The following STPG2 variants were observed in gnomAD, a reference collection of about 807,000 sequenced individuals.
STPG2 encodes sperm tail PG-rich repeat containing 2.
In STPG2, 56 loss-of-function variants were observed where a neutral mutation model predicts 54.2. The ratio of observed to expected loss-of-function variants is 1.03; its 90% confidence interval spans 0.83 to 1.29. The LOEUF is 1.29. STPG2 is among the 50% of genes most tolerant of loss of function. STPG2 has a pLI of 0.00. For missense variants in STPG2, 596 were observed against 544.9 expected (o/e 1.09, Z -0.93); for synonymous variants, 200 against 181.8 (o/e 1.10, Z -0.81).
chr4:97,565,641 T>G (rs1242214563), intron 10 of STPG2, among the ~76,000 whole-genome samples: 1 of 152,206 alleles, frequency 6.6e-6, no homozygotes, highest in Non-Finnish European at 1.5e-5. Flanking sequence ...TTGTTAGTTT[T>G]CCTTCTAACA....
intron 8 of STPG2, among the ~76,000 whole-genome samples, chr4:97,883,024 A>G (rs1730434585): frequency 1.3e-5 from 2 of 151,380 alleles, no homozygotes; most frequent in African/African-American, 2.4e-5. Context: ...CAAAATTATC[A>G]AGAGAGAAAG....
chr4:98,087,067 T>G (rs531617801), intron 5 of STPG2, among the ~76,000 whole-genome samples: 1 of 152,262 alleles, frequency 6.6e-6, no homozygotes, highest in African/African-American at 2.4e-5. Context: ...CTTTCAGAAA[T>G]CCTTGGGTGA....
At chr4:98,051,736 T>G (rs761308273) in intron 5 of STPG2, among the ~76,000 whole-genome samples, 1 of 151,884 alleles carries the variant, frequency 6.6e-6, no homozygotes. Context: ...GTTCTGCATA[T>G]TGTCAAGCAG....
intron 8 of STPG2, among the ~76,000 whole-genome samples, chr4:97,930,443 C>T (rs1732501042): frequency 6.6e-6 from 1 of 152,096 alleles, no homozygotes; most frequent in Non-Finnish European, 1.5e-5. Context: ...AATGTTTTCC[C>T]CATTGCTTGT....
intron 4 of STPG2, among the ~76,000 whole-genome samples, chr4:97,454,139 A>G (rs1729449519): frequency 6.6e-6 from 1 of 152,206 alleles, no homozygotes; most frequent in Non-Finnish European, 1.5e-5. Flanking sequence ...AAGCTTAAAA[A>G]CAGGTGGTAA....
chr4:97,609,878 T>C (rs910490288), intron 10 of STPG2, among the ~76,000 whole-genome samples: 4 of 151,884 alleles, frequency 2.6e-5, no homozygotes, highest in African/African-American at 9.7e-5. Flanking sequence ...TTAAAGATCA[T>C]ATATACATTT....
intron 9 of STPG2, among the ~76,000 whole-genome samples, chr4:97,820,570 A>G (rs1028242257): frequency 1.3e-5 from 2 of 152,186 alleles, no homozygotes; most frequent in African/African-American, 4.8e-5. Flanking sequence ...AAATCAAAAG[A>G]AAGTTGTTAA....
At chr4:97,820,134 T>G (rs1728038749) in intron 9 of STPG2, among the ~76,000 whole-genome samples, 1 of 152,148 alleles carries the variant, frequency 6.6e-6, no homozygotes, top group South Asian at 2.1e-4. Flanking sequence ...ATTATATCTG[T>G]TATGATGAAC....
intron 5 of STPG2, among the ~76,000 whole-genome samples, chr4:98,053,718 T>TG (rs1210851819): frequency 1.3e-5 from 2 of 152,176 alleles, no homozygotes; most frequent in Non-Finnish European, 2.9e-5. Flanking sequence ...GACATAATTG[T>TG]GGAAACATTA....
intron 4 of STPG2, among the ~76,000 whole-genome samples, chr4:97,473,433 CCA>C (rs1729993079): frequency 6.6e-6 from 1 of 152,110 alleles, no homozygotes; most frequent in South Asian, 2.1e-4. Context: ...GAAATCAGCC[CCA>C]GTCTCCCATA....
chr4:97,518,547 C>T (rs1294782389), intron 4 of STPG2, among the ~76,000 whole-genome samples: 2 of 151,922 alleles, frequency 1.3e-5, no homozygotes, highest in Non-Finnish European at 2.9e-5. Flanking sequence ...AATCAAATTG[C>T]CTTCAAAAAT....
intron 10 of STPG2, among the ~76,000 whole-genome samples, chr4:97,576,966 A>T (rs6836044): frequency 0.072 from 10,916 of 152,194 alleles, 1,112 homozygotes; most frequent in African/African-American, 0.23. Context: ...TCAAAAGAAG[A>T]TCTACCAATA....
At chr4:97,453,123 C>T (rs996716956) in intron 4 of STPG2, among the ~76,000 whole-genome samples, 1 of 152,196 alleles carries the variant, frequency 6.6e-6, no homozygotes, top group African/African-American at 2.4e-5. Flanking sequence ...TGGGAGCTCC[C>T]TGAGCCAGGG....
In STPG2 at chr4:98,106,065, C is replaced by A; in HGVS notation, c.501-1G>T. The A allele has an allele frequency of 7.0e-7, 1 of 1,437,924 alleles. No individual in the cohort carries two copies. Among genetic ancestry groups the A allele is most frequent in the Non-Finnish European group, 9.4e-7 (1 of 1,061,510 alleles). 89.1% of individuals were successfully genotyped at this position (1,437,924 alleles called of 1,614,324 possible). On this transcript the variant is annotated splice_acceptor_variant, in intron 4 of 10. Transcript: ENST00000295268. LOFTEE classifies it high-confidence loss of function. ...ATTTTCATAATATGATGTCTTTTTC[C>A]TTCAGAAAATTCAAATAGAAATTAA...
At chr4:97,683,662 T>C (rs1241596341) in intron 10 of STPG2, among the ~76,000 whole-genome samples, 2 of 151,808 alleles carry the variant, frequency 1.3e-5, no homozygotes, top group Non-Finnish European at 3.0e-5. Flanking sequence ...GATAGCCTCA[T>C]ACTTGATGTT....
chr4:97,808,577 T>C (rs1727642168), intron 9 of STPG2, among the ~76,000 whole-genome samples: 3 of 150,418 alleles, frequency 2.0e-5, no homozygotes, highest in South Asian at 2.1e-4. Flanking sequence ...TGAGAGGAAA[T>C]AGGAAACACT....
At chr4:97,844,650 T>C (rs903950464) in intron 8 of STPG2, among the ~76,000 whole-genome samples, 3 of 152,070 alleles carry the variant, frequency 2.0e-5, no homozygotes, top group South Asian at 4.1e-4. Context: ...GTGTGAATTC[T>C]CCTTAAATGT....
At chr4:97,968,876 G>A (rs181491501) in intron 7 of STPG2, among the ~76,000 whole-genome samples, 62 of 152,288 alleles carry the variant, frequency 4.1e-4, no homozygotes, top group Non-Finnish European at 5.7e-4. Context: ...AGCCAACAGC[G>A]CGTGATGTGC....
At chr4:97,442,432 TTTAA>T (rs1351898184) in intron 4 of STPG2, among the ~76,000 whole-genome samples, 2 of 152,100 alleles carry the variant, frequency 1.3e-5, no homozygotes, top group African/African-American at 4.8e-5. Flanking sequence ...AAAAATTGTT[TTTAA>T]TTAAAGTTAA....
Sources: allele counts gnomAD v4.1 joint callset (sites outside exome capture counted in the v4.1 genomes callset), GRCh38; gene constraint gnomAD v4.1.1; transcripts MANE v1.5; gene names NCBI Gene and HGNC (gene_info 2026-07-23, HGNC 2026-07-21).